EXTL3: variants seen among roughly 807,000 people sequenced by gnomAD.
EXTL3 encodes exostosin-like 3.
A neutral mutation model predicts 69.3 loss-of-function variants in EXTL3; 27 were observed. The ratio of observed to expected loss-of-function variants is 0.39; its 90% CI spans 0.29 to 0.54. The LOEUF is 0.54. Among genes scored for constraint, EXTL3 ranks in the 20% least tolerant of loss-of-function variants. The probability of loss-of-function intolerance (pLI) is 0.69; values close to 1 mark genes in which losing one functional copy is unlikely to be tolerated. For missense variants in EXTL3, 1,003 were observed against 1,231.8 expected, an observed-to-expected ratio of 0.81 and a Z score of 2.78; for synonymous variants, 511 against 499.4, an observed-to-expected ratio of 1.02 and a Z score of -0.31.
At position 28,634,597 on chromosome 8, in the gene EXTL3, C is replaced by CTTT. The variant is rs1310592146; in HGVS notation, c.-53+11801_-53+11803dup. ...AAGAGGGAAGAGATGACCACATCTGCTTTTTTTTTTTTTTTTGAGATGGAG... is the reference window on the plus strand; with the variant it reads ...AAGAGGGAAGAGATGACCACATCTGCTTTTTTTTTTTTTTTTTTTGAGATGGAG... On this transcript the variant is annotated intron_variant, in intron 1 of 6. Transcript: ENST00000523149. Among the ~76,000 whole-genome samples the CTTT allele has an allele frequency of 2.0e-4, 27 of 136,172 alleles. 1 individual carries two copies. The highest frequency in any genetic ancestry group is 2.8e-4 in the African/African-American group (10 of 35,750). 89.3% of individuals were successfully genotyped at this position (136,172 alleles called of 152,430 possible).
chr8:28,613,473 C>T (rs554280953), intron 2 of EXTL3, among the ~76,000 whole-genome samples: 17 of 152,268 alleles, frequency 1.1e-4, no homozygotes, highest in African/African-American at 3.6e-4. Flanking sequence ...TGAGCCACTG[C>T]GCCTGGCCCT....
chr8:28,666,850 C>T (rs558686635), intron 1 of EXTL3, among the ~76,000 whole-genome samples: 7 of 152,302 alleles, frequency 4.6e-5, no homozygotes, highest in African/African-American at 1.7e-4. Flanking sequence ...GCTGGGATTA[C>T]AGGCATGAGC....
At chr8:28,619,223 C>G (rs1238162924), upstream of EXTL3, among the ~76,000 whole-genome samples, 1 of 128,016 alleles carries the variant, frequency 7.8e-6, no homozygotes, top group Non-Finnish European at 1.6e-5. Context: ...GATACCAAGT[C>G]TCTAAACTGG....
rs751320973 is a variant in EXTL3 at position 28,737,643 on chromosome 8, G to A, written c.2401G>A (p.Gly801Ser). 82 of 1,614,068 alleles carry A rather than the reference G, an allele frequency of 5.1e-5. No homozygotes were observed. The highest frequency in any genetic ancestry group is 6.8e-5 in the Non-Finnish European group (80 of 1,179,998). ...YSCELSMVLT[G>S]AAFFHKYYAY... ...CTGTGAGCTGTCCATGGTGCTGACA[G>A]GTGCTGCCTTCTTTCACAAGGTAAG... Residue 801 changes from glycine (G) to serine (S), a missense_variant, in exon 5 of 7, where the codon GGT (glycine) becomes AGT (serine). Gly to Ser is a moderately conservative substitution (Grantham distance 56, BLOSUM62 0). Coordinates refer to ENST00000220562, the MANE Select transcript of EXTL3 (RefSeq NM_001440.4).
intron 1 of EXTL3, among the ~76,000 whole-genome samples, chr8:28,705,884 A>G (rs1229177097): frequency 1.3e-5 from 2 of 152,262 alleles, no homozygotes; most frequent in African/African-American, 4.8e-5. Flanking sequence ...AAAGATAGGA[A>G]GAATGCAGAA....
At chr8:28,684,338 T>C (rs1214492338) in intron 1 of EXTL3, among the ~76,000 whole-genome samples, 3 of 152,228 alleles carry the variant, frequency 2.0e-5, no homozygotes, top group African/African-American at 7.2e-5. Flanking sequence ...TTTTTAGTTT[T>C]TTGAGGAACC....
At chr8:28,615,649 C>T (rs576192765) in intron 2 of EXTL3, among the ~76,000 whole-genome samples, 1 of 152,142 alleles carries the variant, frequency 6.6e-6, no homozygotes, top group African/African-American at 2.4e-5. Flanking sequence ...CTCCCTGCAA[C>T]CTCCACCTCC....
At chr8:28,691,420 G>A (rs904483374) in intron 1 of EXTL3, among the ~76,000 whole-genome samples, 3 of 152,166 alleles carry the variant, frequency 2.0e-5, no homozygotes, top group African/African-American at 7.2e-5. Flanking sequence ...CAAGATGACT[G>A]TGAAGATCAT....
chr8:28,684,879 C>T (rs913684789), intron 1 of EXTL3, among the ~76,000 whole-genome samples: 10 of 90,154 alleles, frequency 1.1e-4, no homozygotes, highest in African/African-American at 3.4e-4. Flanking sequence ...GACACACATA[C>T]GAACACAGAC....
Position 28,716,086 on chromosome 8 carries a change from TG to T in EXTL3, c.32del (p.Gly11AlafsTer66). ...TGACAGGCTATACCATGCTGCGGAA[TG>T]GGGGCGCGGGGAACGGAGGTCAGAC... MTGYTMLRN[G>X]GAGNGGQTCM... On this transcript the variant is annotated frameshift_variant, in exon 3 of 7. Transcript: ENST00000220562. LOFTEE classifies it high-confidence loss of function. This position sits in a 1 kb window ranked among gnomAD's most constrained non-coding sequence, Gnocchi z 7.1. 6.2e-7 allele frequency: 1 copy of T among 1,610,624 alleles called. No individual in the cohort carries two copies.
chr8:28,620,200 T>C (rs1340278999), upstream of EXTL3, among the ~76,000 whole-genome samples: 1 of 152,078 alleles, frequency 6.6e-6, no homozygotes, highest in African/African-American at 2.4e-5. Context: ...GACAGACTCC[T>C]GCAAGAAAAA....
At chr8:28,748,808 G>A (rs1267792421) in intron 6 of EXTL3, among the ~76,000 whole-genome samples, 1 of 152,118 alleles carries the variant, frequency 6.6e-6, no homozygotes, top group African/African-American at 2.4e-5. Flanking sequence ...GACTCATTCT[G>A]TATGAAATCT....
rs1272330076 is a variant in EXTL3 at position 28,750,339 on chromosome 8, C to T, written c.2551-318C>T. Among the ~76,000 whole-genome samples the T allele has an allele frequency of 6.6e-6, 1 of 152,086 alleles. No individual in the cohort carries two copies. The highest frequency in any genetic ancestry group is 1.5e-5 in the Non-Finnish European group (1 of 67,960). Reference sequence around the variant, plus strand: ...CAAAACATTGATGAAACAAACAACTCGGTACCTACCTATGGCTCTGCAACC... The same window carrying T: ...CAAAACATTGATGAAACAAACAACTTGGTACCTACCTATGGCTCTGCAACC... On this transcript the variant is annotated intron_variant, in intron 6 of 6. Transcript: ENST00000220562. The surrounding 1 kb of genome is among the most constrained non-coding windows in gnomAD (Gnocchi z 5.2).
Position 28,753,019 on chromosome 8 carries a change from A to C in EXTL3, c.*2153A>C, listed in dbSNP as rs1802042241. 6.6e-6 allele frequency: 1 copy of C among 152,336 alleles called. No individual in the cohort carries two copies. The highest frequency in any genetic ancestry group is 1.5e-5 in the Non-Finnish European group (1 of 68,122). 9.4% of individuals were successfully genotyped at this position (152,336 alleles called of 1,614,324 possible). A position where few individuals can be genotyped will look rare whatever the true frequency, so the allele number is the denominator to read the frequency against. ...GCCAGGTTGTCGGGCCCCGAATGTC[A>C]CTGGTGGATCTAAGAAGGGCTGAGT... On this transcript the variant is annotated 3_prime_UTR_variant, in exon 7 of 7. Coordinates refer to ENST00000220562, the MANE Select transcript of EXTL3 (RefSeq NM_001440.4).
At chr8:28,666,235 C>T (rs1807194526) in intron 1 of EXTL3, among the ~76,000 whole-genome samples, 1 of 152,104 alleles carries the variant, frequency 6.6e-6, no homozygotes, top group Non-Finnish European at 1.5e-5. Flanking sequence ...TTCTTTCTTG[C>T]TTTCTTGCTG....
chr8:28,694,836 AC>A (rs773443481), intron 1 of EXTL3, among the ~76,000 whole-genome samples: 16 of 152,068 alleles, frequency 1.1e-4, no homozygotes, highest in Admixed American at 9.2e-4. Flanking sequence ...ACCTGGCGAA[AC>A]CCCATTTCTA....
upstream of EXTL3, among the ~76,000 whole-genome samples, chr8:28,617,870 T>C (rs930991815): frequency 2.0e-5 from 3 of 152,126 alleles, no homozygotes; most frequent in African/African-American, 7.2e-5. Flanking sequence ...GAAAATACTA[T>C]ACTGAAAGAA....
At chr8:28,625,631 T>C (rs998713895) in intron 1 of EXTL3, among the ~76,000 whole-genome samples, 2 of 152,120 alleles carry the variant, frequency 1.3e-5, no homozygotes, top group African/African-American at 4.8e-5. Context: ...CTAGCACAGT[T>C]TTAGGATTAG....
intron 1 of EXTL3, among the ~76,000 whole-genome samples, chr8:28,683,064 G>A (rs1807518913): frequency 2.0e-5 from 3 of 152,094 alleles, no homozygotes. Context: ...AAGAGCAATT[G>A]ACTATAAATG....
Sources: allele counts gnomAD v4.1 joint callset (sites outside exome capture counted in the v4.1 genomes callset), GRCh38; gene constraint gnomAD v4.1.1; non-coding constraint Gnocchi (gnomAD v3.1); transcripts MANE v1.5; gene names NCBI Gene and HGNC (gene_info 2026-07-23, HGNC 2026-07-21).